Variants in ANKFN1 observed in about 807,000 individuals in gnomAD.
ANKFN1 encodes ankyrin repeat and fibronectin type III domain containing 1.
A neutral mutation model predicts 108.7 loss-of-function variants in ANKFN1; 74 were observed. That is an observed-to-expected ratio of 0.68 (90% CI 0.56 to 0.83). ANKFN1 has a LOEUF of 0.83. Among genes scored for constraint, ANKFN1 ranks in the 40% least tolerant of loss-of-function variants. The pLI, the probability that ANKFN1 is intolerant of heterozygous loss-of-function variation, is 0.00. For missense variants in ANKFN1, 1,505 were observed against 1,382.3 expected, an observed-to-expected ratio of 1.09 and a Z score of -1.41; for synonymous variants, 547 against 516.2, an observed-to-expected ratio of 1.06 and a Z score of -0.81.
intron 3 of ANKFN1, among the ~76,000 whole-genome samples, chr17:56,323,901 T>C (rs2045443133): frequency 1.3e-5 from 2 of 152,142 alleles, no homozygotes; most frequent in South Asian, 2.1e-4. Flanking sequence ...ATATAAGGGA[T>C]ATAATGATGG....
intron 15 of ANKFN1, among the ~76,000 whole-genome samples, chr17:56,476,585 A>C (rs536628452): frequency 6.6e-6 from 1 of 152,258 alleles, no homozygotes; most frequent in South Asian, 2.1e-4. Context: ...AGTGAAGCTG[A>C]TGATGTAGAG....
intron 8 of ANKFN1, among the ~76,000 whole-genome samples, chr17:56,417,121 G>A (rs2048264449): frequency 6.6e-6 from 1 of 152,208 alleles, no homozygotes; most frequent in Non-Finnish European, 1.5e-5. Flanking sequence ...AATAAAAATA[G>A]TTAGAAGGAA....
intron 1 of ANKFN1, among the ~76,000 whole-genome samples, chr17:56,189,210 G>A (rs531604741): frequency 3.0e-4 from 30 of 100,832 alleles, no homozygotes; most frequent in Non-Finnish European, 4.4e-4. Flanking sequence ...TCGCTCTGTC[G>A]CCCAGGCTGG....
chr17:56,265,132 A>G (rs2043615378), intron 3 of ANKFN1, among the ~76,000 whole-genome samples: 1 of 152,222 alleles, frequency 6.6e-6, no homozygotes. Flanking sequence ...AAAGAATCAC[A>G]GGTATTCTGA....
At chr17:56,489,301 T>TA (rs1053580583) in intron 18 of ANKFN1, among the ~76,000 whole-genome samples, 1 of 152,216 alleles carries the variant, frequency 6.6e-6, no homozygotes, top group African/African-American at 2.4e-5. Context: ...ATTTTATCCG[T>TA]AAAATGCATG....
chr17:56,367,632 T>C (rs1326982346), intron 6 of ANKFN1, among the ~76,000 whole-genome samples: 1 of 152,184 alleles, frequency 6.6e-6, no homozygotes, highest in Non-Finnish European at 1.5e-5. Flanking sequence ...CCCTCCATTG[T>C]GCTGGTATGG....
At chr17:56,504,805 C>T (rs960556163) in intron 20 of ANKFN1, among the ~76,000 whole-genome samples, 1 of 151,106 alleles carries the variant, frequency 6.6e-6, no homozygotes, top group Non-Finnish European at 1.5e-5. Flanking sequence ...CAGGTGCCCA[C>T]CACCACACCT....
chr17:56,159,271 C>T (rs1909420208), intron 1 of ANKFN1, among the ~76,000 whole-genome samples: 2 of 152,216 alleles, frequency 1.3e-5, no homozygotes, highest in African/African-American at 2.4e-5. Context: ...GGATTGGAAC[C>T]AGCTGATTGA....
At chr17:56,434,128 G>T (rs1458943977) in intron 8 of ANKFN1, among the ~76,000 whole-genome samples, 1 of 152,150 alleles carries the variant, frequency 6.6e-6, no homozygotes, top group African/African-American at 2.4e-5. Context: ...GAGACTTTTT[G>T]TGGTTACTTG....
intron 3 of ANKFN1, among the ~76,000 whole-genome samples, chr17:56,316,695 T>C (rs1350182677): frequency 6.6e-6 from 1 of 151,660 alleles, no homozygotes; most frequent in East Asian, 1.9e-4. Context: ...GAGAGAAAAA[T>C]AAATGAGGGT....
chr17:56,426,345 A>G (rs139419709), intron 8 of ANKFN1, among the ~76,000 whole-genome samples: 272 of 152,338 alleles, frequency 1.8e-3, no homozygotes, highest in African/African-American at 5.7e-3. Flanking sequence ...TCAACTGTCA[A>G]TGTGACAGTC....
intron 3 of ANKFN1, among the ~76,000 whole-genome samples, chr17:56,240,235 T>C (rs1917476494): frequency 6.6e-6 from 1 of 152,156 alleles, no homozygotes; most frequent in Non-Finnish European, 1.5e-5. Context: ...TGTTTTTCTC[T>C]ATCAGTGAGC....
intron 1 of ANKFN1, among the ~76,000 whole-genome samples, chr17:56,188,039 C>A (rs575191274): frequency 6.6e-6 from 1 of 152,004 alleles, no homozygotes; most frequent in Non-Finnish European, 1.5e-5. Context: ...ATGTAACAAA[C>A]CTGCACGTTG....
intron 4 of ANKFN1, among the ~76,000 whole-genome samples, chr17:56,094,165 A>T (rs1005337586): frequency 6.6e-6 from 1 of 151,070 alleles, no homozygotes; most frequent in African/African-American, 2.4e-5. Flanking sequence ...AACAGAGTGA[A>T]CCTTACAGCC....
Position 56,259,736 on chromosome 17 carries a change from T to G in ANKFN1, c.53+31779T>G, listed in dbSNP as rs116145869. Among the ~76,000 whole-genome samples the G allele has an allele frequency of 9.9e-3, 1,509 of 152,296 alleles. 20 individuals are homozygous for G. The highest frequency in any genetic ancestry group is 0.034 in the African/African-American group (1,427 of 41,572). The stretch of plus-strand genomic sequence containing the variant: ...TAATACTACTAGTTCAATGACTCCG[T>G]AGTTAATGAAAACTGTATCTAATGT... On this transcript the variant is annotated intron_variant, in intron 3 of 20. Transcript: ENST00000682825.
rs531697350 is a variant in ANKFN1, at chr17:56,211,917, A to G, written c.-70-681A>G. Among the ~76,000 whole-genome samples, 6 of 152,294 alleles carry G rather than the reference A, an allele frequency of 3.9e-5. No homozygotes were observed. In the East Asian group the frequency reaches 9.6e-4, roughly 24 times the overall value. On this transcript the variant is annotated intron_variant, in intron 1 of 20. Transcript: ENST00000682825. The stretch of plus-strand genomic sequence containing the variant: ...TTCTCGGCTTGGTCGCTCTTGGTGT[A>G]TAGCAGAACTACTGATATGTGTACA...
At chr17:56,189,465 C>A (rs1313242513) in intron 1 of ANKFN1, among the ~76,000 whole-genome samples, 1 of 151,932 alleles carries the variant, frequency 6.6e-6, no homozygotes, top group Non-Finnish European at 1.5e-5. Context: ...CCACCGCGCC[C>A]GGCCTGCCCT....
chr17:56,391,918 T>G (rs2047451381), intron 8 of ANKFN1, among the ~76,000 whole-genome samples: 1 of 152,204 alleles, frequency 6.6e-6, no homozygotes, highest in African/African-American at 2.4e-5. Flanking sequence ...TTAATTAATG[T>G]ATTTACTCAT....
intron 3 of ANKFN1, among the ~76,000 whole-genome samples, chr17:56,300,186 T>C (rs1421981121): frequency 6.6e-6 from 1 of 152,146 alleles, no homozygotes; most frequent in Non-Finnish European, 1.5e-5. Context: ...TAGGGAGAAA[T>C]CTTATAAACA....
Sources: gnomAD v4.1 joint callset for allele counts (sites outside exome capture counted in the v4.1 genomes callset) on GRCh38, gnomAD v4.1.1 for gene constraint, MANE v1.5 for transcripts, NCBI Gene and HGNC (gene_info 2026-07-23, HGNC 2026-07-21) for gene names.